The following LCOR variants were observed in gnomAD, a reference collection of about 807,000 sequenced individuals.
The protein encoded by LCOR is ligand-dependent corepressor.
In LCOR, 14 loss-of-function variants were observed where a neutral mutation model predicts 64.4. That is an observed-to-expected ratio of 0.22 (90% CI 0.14 to 0.34). LCOR has a LOEUF of 0.34. Ranked by LOEUF, LCOR falls within the 10% of genes least tolerant of loss-of-function variation. The probability of loss-of-function intolerance (pLI) is 1.00; values close to 1 mark genes in which losing one functional copy is unlikely to be tolerated. For missense variants in LCOR, 1,686 were observed against 1,765.3 expected, an observed-to-expected ratio of 0.96 and a Z score of 0.80; for synonymous variants, 643 against 642.5, an observed-to-expected ratio of 1.00 and a Z score of -0.01.
At chr10:96,865,264 G>C (rs1394221952) in intron 2 of LCOR, among the ~76,000 whole-genome samples, 1 of 150,400 alleles carries the variant, frequency 6.6e-6, no homozygotes, top group Admixed American at 6.6e-5. Flanking sequence ...TGGACTGTTA[G>C]GCTGTTTTAA....
chr10:96,925,221 G>A (rs1257283957), intron 4 of LCOR, among the ~76,000 whole-genome samples: 2 of 151,916 alleles, frequency 1.3e-5, no homozygotes, highest in Admixed American at 1.3e-4. Context: ...GATTACAGGT[G>A]TGCACCACCA....
intron 2 of LCOR, among the ~76,000 whole-genome samples, chr10:96,894,636 C>T (rs1438838567): frequency 6.6e-6 from 1 of 152,064 alleles, no homozygotes; most frequent in Non-Finnish European, 1.5e-5. Flanking sequence ...AACATTGGTA[C>T]AGTTTAAAAT....
intron 2 of LCOR, among the ~76,000 whole-genome samples, chr10:96,880,500 C>A (rs941862529): frequency 1.3e-5 from 2 of 152,144 alleles, no homozygotes; most frequent in African/African-American, 4.8e-5. Flanking sequence ...CGGGTTCAAG[C>A]GATTCTCGTG....
In LCOR at chr10:96,983,621, C is replaced by T. The variant is rs1357913197; in HGVS notation, c.3161C>T (p.Ala1054Val). The change falls in exon 8 of 8, where the codon GCT becomes GTT. Residue 1054 changes from alanine to valine, a missense_variant. Ala to Val is a moderately conservative substitution (Grantham distance 64). Around this residue, in one of 3 missense-constraint regions of LCOR, gnomAD observed 1,293 missense variants for 1,410.4 expected, o/e 0.92. Transcript: ENST00000421806. The surrounding 1 kb of genome is among the most constrained non-coding windows in gnomAD (Gnocchi z 4.5). Reference sequence around the variant, plus strand: ...GCTCATTCTCTGGGCTCCTTGGATGCTTCAAAAGTGACTTCAGAAAAGGAA... The same window carrying T: ...GCTCATTCTCTGGGCTCCTTGGATGTTTCAAAAGTGACTTCAGAAAAGGAA... ...RHAHSLGSLD[A>V]SKVTSEKEAA... The T allele has an allele frequency of 3.7e-6, 6 of 1,614,172 alleles. No homozygotes were observed. The highest frequency in any genetic ancestry group is 3.3e-5 in the South Asian group (3 of 91,082).
chr10:96,914,783 G>A (rs1271647364), intron 4 of LCOR, among the ~76,000 whole-genome samples: 1 of 152,194 alleles, frequency 6.6e-6, no homozygotes, highest in Non-Finnish European at 1.5e-5. Flanking sequence ...CTTTAAGGAA[G>A]TGAAATGAAA....
At chr10:96,971,401 G>A (rs952327359) in intron 7 of LCOR, among the ~76,000 whole-genome samples, 1 of 152,160 alleles carries the variant, frequency 6.6e-6, no homozygotes, top group Non-Finnish European at 1.5e-5. Context: ...TGCCTGCCAT[G>A]AGTTGAGCCC....
intron 7 of LCOR, among the ~76,000 whole-genome samples, chr10:96,974,113 C>T (rs1446683222): frequency 2.0e-5 from 3 of 152,138 alleles, no homozygotes; most frequent in Admixed American, 1.3e-4. Context: ...TATGAAACAA[C>T]AATCATTCTT....
Position 96,982,501 on chromosome 10 carries a change from G to A in LCOR, c.2041G>A (p.Val681Ile). The A allele has an allele frequency of 6.2e-7, 1 of 1,614,212 alleles. No homozygotes were observed. The highest frequency in any genetic ancestry group is 8.5e-7 in the Non-Finnish European group (1 of 1,180,048). Residue 681 changes from valine to isoleucine, a missense_variant, in exon 8 of 8, where the codon GTC becomes ATC. Val to Ile is a conservative substitution (Grantham distance 29, BLOSUM62 3). Coordinates refer to ENST00000421806, the MANE Select transcript of LCOR (RefSeq NM_001346516.2). ...LPSTESFSGG[V>I]SEDVISRPHS... ...CTCCACTGAAAGCTTTTCCGGGGGA[G>A]TCAGTGAAGATGTCATTTCTAGGCC... is the stretch of plus-strand genomic sequence containing the variant.
intron 4 of LCOR, among the ~76,000 whole-genome samples, chr10:96,927,884 G>T (rs1847195497): frequency 1.3e-5 from 2 of 152,010 alleles, no homozygotes; most frequent in South Asian, 2.1e-4. Flanking sequence ...TTATTTTTTT[G>T]GTTTCCCAGT....
intron 2 of LCOR, among the ~76,000 whole-genome samples, chr10:96,854,163 GCTAAATGAGATAGCTCGTTGA>G (rs1189849622): frequency 2.6e-5 from 4 of 152,050 alleles, no homozygotes; most frequent in Admixed American, 2.0e-4. Flanking sequence ...TATCTCATTG[GCTAAATGAGATAGCTCGTTGA>G]CTAAATGAAT....
intron 4 of LCOR, chr10:96,915,771 G>A: frequency 1.6e-6 from 1 of 622,468 alleles, no homozygotes; most frequent in Admixed American, 1.9e-5. Context: ...TCCTTTGCAG[G>A]GCCCTTTTGA....
intron 7 of LCOR, chr10:96,957,341 A>G: frequency 1.0e-6 from 1 of 985,134 alleles, no homozygotes; most frequent in Non-Finnish European, 1.2e-6. Context: ...CTTGAAGAAT[A>G]TCTAAGCTTT....
At chr10:96,839,754 T>G (rs577426186) in intron 2 of LCOR, among the ~76,000 whole-genome samples, 2 of 152,146 alleles carry the variant, frequency 1.3e-5, no homozygotes, top group Non-Finnish European at 2.9e-5. Flanking sequence ...GGCGTGATCA[T>G]GGCTTATTGC....
intron 2 of LCOR, among the ~76,000 whole-genome samples, chr10:96,857,068 A>G (rs1564604891): frequency 1.3e-5 from 2 of 149,074 alleles, no homozygotes; most frequent in East Asian, 3.9e-4. Flanking sequence ...ATACTAAGAT[A>G]TTACTATAGA....
At chr10:96,914,243 C>A (rs1051198918) in intron 4 of LCOR, among the ~76,000 whole-genome samples, 1 of 152,218 alleles carries the variant, frequency 6.6e-6, no homozygotes, top group Non-Finnish European at 1.5e-5. Context: ...GTTGCCCAGG[C>A]TAGAGTACAG....
intron 2 of LCOR, among the ~76,000 whole-genome samples, chr10:96,846,759 C>G (rs1845636926): frequency 6.6e-6 from 1 of 152,162 alleles, no homozygotes; most frequent in African/African-American, 2.4e-5. Flanking sequence ...CCCCATACAT[C>G]TACTGAAAAC....
Position 96,841,941 on chromosome 10 carries a change from A to T in LCOR, c.-330+8462A>T, listed in dbSNP as rs572096699. Among the ~76,000 whole-genome samples, 5 of 151,748 alleles carry T rather than the reference A, an allele frequency of 3.3e-5. No homozygotes were observed. In the East Asian group the frequency reaches 7.8e-4, roughly 24 times the overall value. On this transcript the variant is annotated intron_variant, in intron 2 of 7. Transcript: ENST00000421806. Reference sequence around the variant, plus strand: ...TACTCATAATACTAGATAGTCTGTGACTGTTGTTTTTGATCTCATGATTAG... The same window carrying T: ...TACTCATAATACTAGATAGTCTGTGTCTGTTGTTTTTGATCTCATGATTAG...
intron 7 of LCOR, chr10:96,961,787 A>G (rs1847884505): frequency 6.6e-6 from 1 of 152,160 alleles, no homozygotes; most frequent in South Asian, 2.1e-4. Context: ...TAGAATTTCA[A>G]TCTAGAATAT....
At chr10:96,870,543 T>C (rs1485869307) in intron 2 of LCOR, among the ~76,000 whole-genome samples, 2 of 152,214 alleles carry the variant, frequency 1.3e-5, no homozygotes, top group Non-Finnish European at 1.5e-5. Flanking sequence ...ACTCTTCAGA[T>C]CTTGTAGACT....
Sources: allele counts gnomAD v4.1 joint callset (sites outside exome capture counted in the v4.1 genomes callset), GRCh38; gene constraint gnomAD v4.1.1; regional missense constraint gnomAD v4.1.1; non-coding constraint Gnocchi (gnomAD v3.1); transcripts MANE v1.5; gene names NCBI Gene and HGNC (gene_info 2026-07-23, HGNC 2026-07-21).